ZNF385B: variants seen among roughly 807,000 people sequenced by gnomAD.
ZNF385B encodes the protein zinc finger protein 533.
Under a neutral mutation model 39.2 loss-of-function variants are expected in ZNF385B, and 23 were observed. The ratio of observed to expected loss-of-function variants is 0.59; its 90% CI spans 0.42 to 0.83. ZNF385B has a LOEUF of 0.83. Among genes scored for constraint, ZNF385B ranks in the 40% least tolerant of loss-of-function variants. ZNF385B has a pLI of 0.00. For synonymous variants in ZNF385B, 205 were observed against 222.6 expected (o/e 0.92, Z 0.70); for missense variants, 552 against 598.9 (o/e 0.92, Z 0.82).
intron 1 of ZNF385B, among the ~76,000 whole-genome samples, chr2:179,847,255 A>G (rs1248553173): frequency 2.0e-5 from 3 of 152,194 alleles, no homozygotes; most frequent in Non-Finnish European, 4.4e-5. Context: ...TCCCCACACT[A>G]TACCCTGCAG....
intron 1 of ZNF385B, among the ~76,000 whole-genome samples, chr2:179,794,178 T>C (rs1705510941): frequency 6.6e-6 from 1 of 152,176 alleles, no homozygotes; most frequent in Admixed American, 6.6e-5. Context: ...CCAGAATCTA[T>C]AGAAATCCAT....
At chr2:179,555,254 C>A (rs539976593) in intron 3 of ZNF385B, among the ~76,000 whole-genome samples, 1 of 149,468 alleles carries the variant, frequency 6.7e-6, no homozygotes, top group Non-Finnish European at 1.5e-5. Context: ...TGTATGATAC[C>A]ATTTATATAA....
chr2:179,529,685 TA>T (rs2059138927), intron 4 of ZNF385B, among the ~76,000 whole-genome samples: 1 of 151,998 alleles, frequency 6.6e-6, no homozygotes, highest in African/African-American at 2.4e-5. Flanking sequence ...TGATAAGTGC[TA>T]TCAATATGTT....
At chr2:179,677,637 G>A (rs1188294563) in intron 3 of ZNF385B, among the ~76,000 whole-genome samples, 1 of 152,188 alleles carries the variant, frequency 6.6e-6, no homozygotes, top group Admixed American at 6.5e-5. Context: ...TGCCTAGCAT[G>A]TGACTTAGAT....
chr2:179,505,778 C>G (rs1304392906), intron 5 of ZNF385B, among the ~76,000 whole-genome samples: 2 of 151,968 alleles, frequency 1.3e-5, no homozygotes, highest in Non-Finnish European at 2.9e-5. Context: ...GGATGTGGGA[C>G]AGTTCACTTC....
At chr2:179,445,878 G>C (rs955538262) in intron 7 of ZNF385B, 150 bp from the exon 8 acceptor site, 4 of 682,690 alleles carry the variant, frequency 5.9e-6, no homozygotes, top group Admixed American at 3.8e-5. Flanking sequence ...AATTTAACAC[G>C]TTATTGTAAA....
chr2:179,713,741 G>A (rs1319629544), intron 3 of ZNF385B, among the ~76,000 whole-genome samples: 1 of 152,184 alleles, frequency 6.6e-6, no homozygotes, highest in Admixed American at 6.6e-5. Context: ...ATAAATGCAT[G>A]TTATAAAAGC....
chr2:179,739,956 T>C (rs1312425774), intron 3 of ZNF385B, among the ~76,000 whole-genome samples: 1 of 151,984 alleles, frequency 6.6e-6, no homozygotes, highest in African/African-American at 2.4e-5. Context: ...AGATTAAGAG[T>C]TAACTAATTT....
intron 1 of ZNF385B, among the ~76,000 whole-genome samples, chr2:179,793,857 T>C (rs762255304): frequency 9.5e-4 from 145 of 152,258 alleles, no homozygotes; most frequent in Admixed American, 1.4e-3. Flanking sequence ...ATTCAGGAGG[T>C]AGGAAGAAAG....
chr2:179,486,628 G>A (rs1190230038), intron 5 of ZNF385B, among the ~76,000 whole-genome samples: 3 of 152,168 alleles, frequency 2.0e-5, no homozygotes, highest in South Asian at 4.1e-4. Flanking sequence ...AGTAAAGAAA[G>A]TTCCACTTTT....
At chr2:179,592,436 C>CT in intron 3 of ZNF385B, among the ~76,000 whole-genome samples, 1 of 152,142 alleles carries the variant, frequency 6.6e-6, no homozygotes, top group African/African-American at 2.4e-5. Context: ...TCGTAGAAGG[C>CT]TTTCCTTTGG....
chr2:179,833,067 G>T (rs1310952283), intron 1 of ZNF385B, among the ~76,000 whole-genome samples: 1 of 152,004 alleles, frequency 6.6e-6, no homozygotes, highest in Non-Finnish European at 1.5e-5. Context: ...AGTATCCAGA[G>T]AAAAAGTGTG....
intron 1 of ZNF385B, among the ~76,000 whole-genome samples, chr2:179,794,871 GT>G (rs1344756999): frequency 6.6e-6 from 1 of 152,110 alleles, no homozygotes; most frequent in Non-Finnish European, 1.5e-5. Context: ...ACAGAGAGAG[GT>G]TATGGGTGGA....
intron 3 of ZNF385B, among the ~76,000 whole-genome samples, chr2:179,742,057 G>T (rs767712179): frequency 1.3e-5 from 2 of 152,046 alleles, no homozygotes; most frequent in Non-Finnish European, 2.9e-5. Flanking sequence ...GACAAGGGAT[G>T]ACAATTAGAA....
chr2:179,493,895 T>C (rs1398494593), intron 5 of ZNF385B, among the ~76,000 whole-genome samples: 1 of 149,856 alleles, frequency 6.7e-6, no homozygotes, highest in Admixed American at 6.6e-5. Context: ...GCAACAAATA[T>C]CTATTGAATA....
At chr2:179,727,291 C>G (rs964288486) in intron 3 of ZNF385B, among the ~76,000 whole-genome samples, 1 of 152,000 alleles carries the variant, frequency 6.6e-6, no homozygotes, top group Admixed American at 6.6e-5. Flanking sequence ...TCAGTTTCAG[C>G]TTTCCAAAAA....
intron 3 of ZNF385B, among the ~76,000 whole-genome samples, chr2:179,562,100 C>G (rs2203459): frequency 0.37 from 56,615 of 151,988 alleles, 11,103 homozygotes; most frequent in Middle Eastern, 0.43. Flanking sequence ...TAGTTATTCC[C>G]ACACAAACTC....
intron 6 of ZNF385B, among the ~76,000 whole-genome samples, chr2:179,457,577 A>G (rs945994952): frequency 1.3e-5 from 2 of 152,242 alleles, no homozygotes; most frequent in Admixed American, 1.3e-4. Context: ...TAGCCATTCT[A>G]GTGGAGGTGT....
chr2:179,763,576 C>G (rs1703521041), intron 3 of ZNF385B, among the ~76,000 whole-genome samples: 1 of 152,090 alleles, frequency 6.6e-6, no homozygotes, highest in Non-Finnish European at 1.5e-5. Flanking sequence ...TTTCTAGCTT[C>G]TTGGTCGGGA....
Sources: allele counts gnomAD v4.1 joint callset (sites outside exome capture counted in the v4.1 genomes callset), GRCh38; gene constraint gnomAD v4.1.1; transcripts MANE v1.5; gene names NCBI Gene and HGNC (gene_info 2026-07-23, HGNC 2026-07-21).